Variants in TMEM38A observed in about 807,000 individuals in gnomAD.
TMEM38A encodes the protein transmembrane protein 38A.
A neutral mutation model predicts 28.6 loss-of-function variants in TMEM38A; 17 were observed. That is an observed-to-expected ratio of 0.60 (90% CI 0.41 to 0.89). The LOEUF (loss-of-function observed/expected upper bound fraction) is 0.89, where lower values mean the gene tolerates loss of function less well. Ranked by LOEUF, TMEM38A falls within the 40% of genes least tolerant of loss-of-function variation. The pLI, the probability that TMEM38A is intolerant of heterozygous loss-of-function variation, is 0.00. For synonymous variants in TMEM38A, 169 were observed against 166.1 expected (o/e 1.02, Z -0.14); for missense variants, 328 against 393.1 (o/e 0.83, Z 1.40).
At chr19:16,684,141 C>CAGAGAG (rs10687050) in intron 4 of TMEM38A, among the ~76,000 whole-genome samples, 2 of 147,666 alleles carry the variant, frequency 1.4e-5, no homozygotes, top group Admixed American at 6.8e-5. Context: ...AAGAAAGAAA[C>CAGAGAG]AGAGAGAGAG....
intron 1 of TMEM38A, among the ~76,000 whole-genome samples, chr19:16,664,987 C>T (rs963669886): frequency 1.3e-5 from 2 of 152,018 alleles, no homozygotes; most frequent in Non-Finnish European, 2.9e-5. Context: ...ATTGTGAAAC[C>T]CCTTCTCTAT....
chr19:16,678,280 T>G (rs1336351679), intron 1 of TMEM38A, among the ~76,000 whole-genome samples: 1 of 151,878 alleles, frequency 6.6e-6, no homozygotes, highest in Non-Finnish European at 1.5e-5. Flanking sequence ...AATACAAAAA[T>G]TAGTTGGGCG....
chr19:16,668,371 C>T (rs1311525368), intron 1 of TMEM38A, among the ~76,000 whole-genome samples: 2 of 151,932 alleles, frequency 1.3e-5, no homozygotes, highest in South Asian at 2.1e-4. Flanking sequence ...ACAGTGAAAC[C>T]CTGTCTCTAC....
intron 1 of TMEM38A, among the ~76,000 whole-genome samples, chr19:16,674,964 C>T (rs73928626): frequency 0.022 from 3,365 of 152,288 alleles, 131 homozygotes; most frequent in African/African-American, 0.077. Context: ...GGATGAAGAT[C>T]AAATCCACCC....
At chr19:16,662,082 G>A (rs981444506) in intron 1 of TMEM38A, among the ~76,000 whole-genome samples, 1 of 152,064 alleles carries the variant, frequency 6.6e-6, no homozygotes, top group Admixed American at 6.6e-5. Context: ...TCCTTAGAAC[G>A]TGTTCTATTT....
At chr19:16,680,702 A>G in intron 3 of TMEM38A, 121 bp downstream of exon 3, 2 of 956,842 alleles carry the variant, frequency 2.1e-6, no homozygotes, top group South Asian at 1.5e-5. Context: ...AGACTGCAGT[A>G]GGTGTTCAAA....
At chr19:16,666,042 T>A (rs10410119) in intron 1 of TMEM38A, among the ~76,000 whole-genome samples, 2,701 of 151,450 alleles carry the variant, frequency 0.018, 86 homozygotes, top group African/African-American at 0.062. Context: ...GTGCAGTGGC[T>A]CGATCCCGGC....
intron 1 of TMEM38A, among the ~76,000 whole-genome samples, chr19:16,672,750 A>G (rs998803097): frequency 1.3e-5 from 2 of 152,048 alleles, no homozygotes; most frequent in South Asian, 4.1e-4. Context: ...GAGCCCGGCC[A>G]TAAGTGTATC....
intron 1 of TMEM38A, 33 bp from the exon 2 acceptor site, chr19:16,679,951 G>A: frequency 6.4e-7 from 1 of 1,565,568 alleles, no homozygotes; most frequent in South Asian, 1.2e-5. Context: ...TTGGCATGCT[G>A]GTGATGATGG....
chr19:16,676,555 G>C (rs1353117794), intron 1 of TMEM38A, among the ~76,000 whole-genome samples: 1 of 152,040 alleles, frequency 6.6e-6, no homozygotes, highest in East Asian at 1.9e-4. Flanking sequence ...GGGAAAGACA[G>C]AATCAATATG....
intron 3 of TMEM38A, 41 bp from the exon 4 acceptor site, chr19:16,682,380 C>T (rs1164835370): frequency 6.5e-7 from 1 of 1,543,446 alleles, no homozygotes; most frequent in African/African-American, 1.4e-5. Context: ...GAAAGGAGAC[C>T]TGGGGGTGGT....
rs2086814718 is a variant in TMEM38A, at chr19:16,689,026, T to C, written c.*655T>C. 1 of 150,264 alleles carries C rather than the reference T, an allele frequency of 6.7e-6. No individual in the cohort carries two copies. Among genetic ancestry groups the C allele is most frequent in the Non-Finnish European group, 1.5e-5 (1 of 67,564 alleles). 9.3% of individuals were successfully genotyped at this position (150,264 alleles called of 1,614,324 possible). ...CTCAAAAAAAAAAAAAAAAATTGCA[T>C]ATTGACTCCTGAAGAACTTCAAGCC... On this transcript the variant is annotated 3_prime_UTR_variant, in exon 6 of 6. Coordinates refer to ENST00000187762, the MANE Select transcript of TMEM38A (RefSeq NM_024074.4).
rs1371602913 is a variant in TMEM38A, at chr19:16,662,000, C to G, written c.124+659C>G. On this transcript the variant is annotated intron_variant, in intron 1 of 5. Coordinates refer to ENST00000187762, the MANE Select transcript of TMEM38A (RefSeq NM_024074.4). This position sits in a 1 kb window ranked among gnomAD's most constrained non-coding sequence, Gnocchi z 6.5. ...GGGTCAGTGTCCTCCATCTCAGCTC[C>G]AGACTCCACGCTGGGGAGGTCACAG... Among the ~76,000 whole-genome samples the G allele has an allele frequency of 6.6e-6, 1 of 152,142 alleles. No individual in the cohort carries two copies. Among genetic ancestry groups the G allele is most frequent in the Non-Finnish European group, 1.5e-5 (1 of 68,040 alleles).
intron 1 of TMEM38A, among the ~76,000 whole-genome samples, chr19:16,678,321 C>T (rs1262224859): frequency 4.0e-5 from 6 of 149,878 alleles, no homozygotes; most frequent in South Asian, 2.1e-4. Flanking sequence ...CCCAGCTACT[C>T]GGGTGGCTGA....
At chr19:16,676,092 G>GATCTGAGATTGCGCCACT (rs1555709842) in intron 1 of TMEM38A, among the ~76,000 whole-genome samples, 1 of 149,702 alleles carries the variant, frequency 6.7e-6, no homozygotes, top group African/African-American at 2.6e-5. Context: ...CGGGCGCGGT[G>GATCTGAGATTGCGCCACT]GCTCACACCT....
At chr19:16,681,574 C>T (rs1416627684) in intron 3 of TMEM38A, among the ~76,000 whole-genome samples, 1 of 152,132 alleles carries the variant, frequency 6.6e-6, no homozygotes, top group Non-Finnish European at 1.5e-5. Flanking sequence ...ATCCTCGCTT[C>T]CTGCCCACCA....
At chr19:16,676,755 C>CTTTT (rs960732087) in intron 1 of TMEM38A, among the ~76,000 whole-genome samples, 92 of 119,270 alleles carry the variant, frequency 7.7e-4, no homozygotes, top group African/African-American at 1.5e-3. Flanking sequence ...TTTTCATGAC[C>CTTTT]TTTTTTTTTT....
intron 1 of TMEM38A, among the ~76,000 whole-genome samples, chr19:16,669,627 C>T (rs1375943589): frequency 6.6e-6 from 1 of 152,122 alleles, no homozygotes; most frequent in Non-Finnish European, 1.5e-5. Context: ...ACTCCTGCTC[C>T]ACCTTGTGAG....
intron 1 of TMEM38A, among the ~76,000 whole-genome samples, chr19:16,665,055 G>T (rs1037755809): frequency 6.6e-5 from 10 of 152,016 alleles, no homozygotes; most frequent in African/African-American, 2.4e-4. Flanking sequence ...AGCACTTTGG[G>T]AGGCTGAGGT....
Sources: allele counts gnomAD v4.1 joint callset (sites outside exome capture counted in the v4.1 genomes callset), GRCh38; gene constraint gnomAD v4.1.1; non-coding constraint Gnocchi (gnomAD v3.1); transcripts MANE v1.5; gene names NCBI Gene and HGNC (gene_info 2026-07-23, HGNC 2026-07-21).